ABCA1: variants seen among roughly 807,000 people sequenced by gnomAD.
The protein encoded by ABCA1 is ATP binding cassette subfamily A member 1, also known as phospholipid-transporting ATPase ABCA1.
ABCA1 carries 133 observed loss-of-function variants against 262.5 expected under a neutral mutation model. The ratio of observed to expected loss-of-function variants is 0.51; its 90% confidence interval spans 0.44 to 0.59. The LOEUF is 0.59. Among genes scored for constraint, ABCA1 ranks in the 20% least tolerant of loss-of-function variants. The pLI is 0.00. For synonymous variants in ABCA1, 1,022 were observed against 1,043.5 expected (o/e 0.98, Z 0.40); for missense variants, 2,452 against 2,777.5 (o/e 0.88, Z 2.63).
At chr9:104,909,112 C>A (rs1001009352) in intron 1 of ABCA1, among the ~76,000 whole-genome samples, 1 of 152,164 alleles carries the variant, frequency 6.6e-6, no homozygotes, top group Non-Finnish European at 1.5e-5. Context: ...ATTGTGTGAT[C>A]GCCTTGGAAG....
rs763149283 is a variant in ABCA1 at position 104,814,168 on chromosome 9, G to T, written c.3851C>A (p.Pro1284Gln). 6.2e-7 allele frequency: 1 copy of T among 1,614,192 alleles called. No individual in the cohort carries two copies. Among genetic ancestry groups the T allele is most frequent in the African/African-American group, 1.3e-5 (1 of 75,052 alleles). ...AFGDKQSCLR[P>Q]FTEDDAADPN... ...ATCAGCAGCATCATCTTCAGTGAAC[G>T]GGCGAAGACAGCTCTGCTTGTCCCC... is the stretch of plus-strand genomic sequence containing the variant. Residue 1284 changes from proline to glutamine, a missense_variant, in exon 27 of 50, where the codon CCG becomes CAG. Around this residue, in one of 4 missense-constraint regions of ABCA1, gnomAD observed 665 missense variants for 727.3 expected, o/e 0.91. Coordinates refer to ENST00000374736, the MANE Select transcript of ABCA1 (RefSeq NM_005502.4).
At chr9:104,826,122 T>A (rs1050787109) in intron 16 of ABCA1, among the ~76,000 whole-genome samples, 1 of 152,196 alleles carries the variant, frequency 6.6e-6, no homozygotes, top group Non-Finnish European at 1.5e-5. Context: ...GAAATGCATA[T>A]ACAGTGAAGC....
intron 7 of ABCA1, 137 bp downstream of exon 7, chr9:104,858,385 A>G: frequency 1.1e-6 from 1 of 938,508 alleles, no homozygotes; most frequent in South Asian, 1.3e-5. Context: ...CACTTAGAAT[A>G]CCACTGAACT....
At chr9:104,812,533 C>T (rs376574346) in intron 28 of ABCA1, 41 bp downstream of exon 28, 80 of 1,613,408 alleles carry the variant, frequency 5.0e-5, no homozygotes, top group Middle Eastern at 1.7e-4. Flanking sequence ...CTGCAGCCCA[C>T]CCATGAAGCC....
intron 20 of ABCA1, 103 bp from the exon 21 acceptor site, chr9:104,820,172 CG>C: frequency 6.9e-7 from 1 of 1,440,116 alleles, no homozygotes. Flanking sequence ...TTTCTCTCCC[CG>C]TGCTTTTTAA....
chr9:104,810,507 T>G (rs1588265840), intron 29 of ABCA1, among the ~76,000 whole-genome samples: 1 of 152,294 alleles, frequency 6.6e-6, no homozygotes, highest in African/African-American at 2.4e-5. Flanking sequence ...TTTTATAACT[T>G]AATCATGGAT....
chr9:104,896,725 T>A (rs1190677511), intron 2 of ABCA1, among the ~76,000 whole-genome samples: 17 of 77,914 alleles, frequency 2.2e-4, no homozygotes, highest in African/African-American at 1.2e-3. Context: ...TTTTTTTTTT[T>A]TTTTTTTTTT....
intron 16 of ABCA1, 28 bp downstream of exon 16, chr9:104,826,920 C>T: frequency 6.2e-7 from 1 of 1,600,576 alleles, no homozygotes; most frequent in Non-Finnish European, 8.6e-7. Flanking sequence ...ATGCCTACAG[C>T]CACTGAAGAA....
At chr9:104,870,657 C>A (rs1254221102) in intron 5 of ABCA1, among the ~76,000 whole-genome samples, 3 of 151,962 alleles carry the variant, frequency 2.0e-5, no homozygotes, top group African/African-American at 7.3e-5. Flanking sequence ...TCACAGATAC[C>A]ATGAGTTTCA....
intron 11 of ABCA1, among the ~76,000 whole-genome samples, chr9:104,835,009 G>A (rs967759128): frequency 1.2e-4 from 18 of 152,254 alleles, no homozygotes; most frequent in African/African-American, 3.6e-4. Flanking sequence ...AACACTTTGG[G>A]AGGCTGAGGC....
intron 11 of ABCA1, among the ~76,000 whole-genome samples, chr9:104,833,403 A>G (rs79153526): frequency 0.06 from 9,202 of 152,208 alleles, 476 homozygotes; most frequent in East Asian, 0.28. Flanking sequence ...GCTGGTCTTG[A>G]ACACCTGGGC....
chr9:104,810,307 G>A (rs1831168417), intron 29 of ABCA1, among the ~76,000 whole-genome samples: 1 of 151,782 alleles, frequency 6.6e-6, no homozygotes, highest in South Asian at 2.1e-4. Context: ...TTGATTTAAT[G>A]TATTGTTACA....
chr9:104,783,111 T>A lies in ABCA1; in HGVS notation c.*1204A>T, dbSNP rs886063299. 5.9e-5 allele frequency: 9 copies of A among 152,284 alleles called. No homozygotes were observed. The highest frequency in any genetic ancestry group is 1.2e-4 in the Non-Finnish European group (8 of 68,026). 9.4% of individuals were successfully genotyped at this position (152,284 alleles called of 1,614,324 possible). A position where few individuals can be genotyped will look rare whatever the true frequency, so the allele number is the denominator to read the frequency against. On this transcript the variant is annotated 3_prime_UTR_variant, in exon 50 of 50. Coordinates refer to ENST00000374736, the MANE Select transcript of ABCA1 (RefSeq NM_005502.4). ...ATATAATGTCATGAGATCCTGACCA[T>A]CACATTGCTTTCTAGGCACTAGTCA...
intron 41 of ABCA1, 126 bp from the exon 42 acceptor site, chr9:104,793,032 G>C: frequency 6.3e-7 from 1 of 1,579,210 alleles, no homozygotes; most frequent in Non-Finnish European, 8.7e-7. Context: ...GGGGGCTGCG[G>C]GATGCCCACA....
chr9:104,800,354 A>G (rs1446590799), intron 35 of ABCA1, among the ~76,000 whole-genome samples, 156 bp downstream of exon 35: 1 of 152,188 alleles, frequency 6.6e-6, no homozygotes, highest in African/African-American at 2.4e-5. Flanking sequence ...TCTCTGAATC[A>G]CTACACTACA....
Position 104,812,690 on chromosome 9 carries a change from C to G in ABCA1, c.3934G>C (p.Asp1312His). ...SRETDLLSGM[D>H]GKGSYQVKGW... ...TTCACCTGGTAGGACCCTTTGCCAT[C>G]CATCCCACTGAGCAAGTCTGTCTCT... The change falls in exon 28 of 50, where the codon GAT (aspartate) becomes CAT (histidine). Residue 1312 changes from aspartate (D) to histidine (H), a missense_variant. By Grantham distance (81) the Asp-to-His change is moderately conservative (BLOSUM62 -1). Coordinates refer to ENST00000374736, the MANE Select transcript of ABCA1 (RefSeq NM_005502.4). 3.1e-6 allele frequency: 5 copies of G among 1,614,230 alleles called. No individual in the cohort carries two copies. Among genetic ancestry groups the G allele is most frequent in the Non-Finnish European group, 4.2e-6 (5 of 1,180,040 alleles).
Position 104,850,792 on chromosome 9 carries a change from A to C in ABCA1, c.721-5223T>G, listed in dbSNP as rs564097265. 2.6e-5 allele frequency among the ~76,000 whole-genome samples: 4 copies of C among 152,328 alleles called. No homozygotes were observed. The East Asian group carries it at 7.7e-4, about 29-fold the overall frequency. Reference sequence around the variant, plus strand: ...AAATTCACAGCTTGGAATTCCTACTATTATTTTTCTAACCAAAAACATTCT... The same window carrying C: ...AAATTCACAGCTTGGAATTCCTACTCTTATTTTTCTAACCAAAAACATTCT... On this transcript the variant is annotated intron_variant, in intron 7 of 49. Transcript: ENST00000374736.
intron 7 of ABCA1, among the ~76,000 whole-genome samples, chr9:104,849,139 A>C (rs972257239): frequency 2.0e-5 from 3 of 151,982 alleles, no homozygotes; most frequent in Admixed American, 1.3e-4. Flanking sequence ...AAATTTCTTA[A>C]CTCTGGAGCA....
At chr9:104,797,015 G>C (rs1426353551) in intron 37 of ABCA1, among the ~76,000 whole-genome samples, 1 of 152,254 alleles carries the variant, frequency 6.6e-6, no homozygotes, top group African/African-American at 2.4e-5. Context: ...AGTGGGGCTT[G>C]TCAGCCGCTA....
Sources: gnomAD v4.1 joint callset for allele counts (sites outside exome capture counted in the v4.1 genomes callset) on GRCh38, gnomAD v4.1.1 for gene constraint, gnomAD v4.1.1 regional missense constraint, MANE v1.5 for transcripts, NCBI Gene and HGNC (gene_info 2026-07-23, HGNC 2026-07-21) for gene names.